The following EPSTI1 variants were observed in gnomAD, a reference collection of about 807,000 sequenced individuals.
The protein encoded by EPSTI1 is epithelial stromal interaction 1, also known as epithelial-stromal interaction protein 1.
Under a neutral mutation model 49.9 loss-of-function variants are expected in EPSTI1, and 66 were observed. The ratio of observed to expected loss-of-function variants is 1.32; its 90% CI spans 1.08 to 1.62. The LOEUF is 1.62. Ranked by LOEUF, EPSTI1 falls within the 40% of genes most tolerant of loss-of-function variation. The pLI is 0.00. For synonymous variants in EPSTI1, 137 were observed against 130.7 expected (o/e 1.05, Z -0.33); for missense variants, 394 against 365.5 (o/e 1.08, Z -0.64).
intron 9 of EPSTI1, among the ~76,000 whole-genome samples, chr13:42,896,686 T>C (rs1039708773): frequency 2.0e-5 from 3 of 152,234 alleles, no homozygotes; most frequent in Admixed American, 2.0e-4. Flanking sequence ...TTCCTTTTGC[T>C]TAAAATTCTC....
chr13:42,906,375 C>T (rs2037499130), intron 8 of EPSTI1, among the ~76,000 whole-genome samples: 1 of 152,184 alleles, frequency 6.6e-6, no homozygotes, highest in African/African-American at 2.4e-5. Flanking sequence ...TGAAGATGAA[C>T]ATGGGGTCAT....
intron 4 of EPSTI1, 37 bp from the exon 5 acceptor site, chr13:42,963,375 T>A: frequency 6.5e-7 from 1 of 1,538,404 alleles, no homozygotes; most frequent in Non-Finnish European, 8.9e-7. Context: ...CAAAAACAGT[T>A]ACCATTTTTC....
intron 1 of EPSTI1, among the ~76,000 whole-genome samples, chr13:42,988,222 T>C (rs2040119474): frequency 6.6e-6 from 1 of 152,178 alleles, no homozygotes. Flanking sequence ...CTAGAGGTGA[T>C]ATAAATAATG....
rs374375908 is a variant in EPSTI1, at chr13:42,948,913, G to C, written c.563+5035C>G. Among the ~76,000 whole-genome samples, 31 of 152,262 alleles carry C rather than the reference G, an allele frequency of 2.0e-4. No homozygotes were observed. The South Asian group carries it at 6.4e-3, about 32-fold the overall frequency. On this transcript the variant is annotated intron_variant, in intron 6 of 10. Coordinates refer to ENST00000313624, the MANE Select transcript of EPSTI1 (RefSeq NM_033255.5). ...CCCAAGCCCCCCAACAGACTTAATGGATTCCCTTGTAGCCAAGTGGATTCC... is the reference window on the plus strand; with the variant it reads ...CCCAAGCCCCCCAACAGACTTAATGCATTCCCTTGTAGCCAAGTGGATTCC...
intron 5 of EPSTI1, 84 bp downstream of exon 5, chr13:42,963,171 T>A: frequency 8.9e-7 from 1 of 1,121,584 alleles, no homozygotes. Context: ...TGGATAAATT[T>A]TTAAAGTTAC....
At chr13:42,975,785 A>AAC (rs1005540520) in intron 1 of EPSTI1, among the ~76,000 whole-genome samples, 6 of 151,206 alleles carry the variant, frequency 4.0e-5, no homozygotes, top group South Asian at 4.2e-4. Flanking sequence ...TCTTCACTTA[A>AAC]ACACACACAC....
At chr13:42,917,732 C>T in intron 7 of EPSTI1, 108 bp from the exon 8 acceptor site, 1 of 760,738 alleles carries the variant, frequency 1.3e-6, no homozygotes, top group Non-Finnish European at 2.1e-6. Flanking sequence ...ATAACTCAAC[C>T]TCCGTACTGA....
At chr13:42,989,521 G>C (rs961149526) in intron 1 of EPSTI1, among the ~76,000 whole-genome samples, 2 of 143,886 alleles carry the variant, frequency 1.4e-5, no homozygotes, top group Non-Finnish European at 3.0e-5. Context: ...CACATTATGA[G>C]TGGACAAATG....
At chr13:42,938,688 C>T (rs1223256326) in intron 6 of EPSTI1, among the ~76,000 whole-genome samples, 1 of 151,732 alleles carries the variant, frequency 6.6e-6, no homozygotes, top group East Asian at 1.9e-4. Context: ...CTGAGGTGGG[C>T]GGATCACCTG....
intron 8 of EPSTI1, among the ~76,000 whole-genome samples, chr13:42,915,591 G>C (rs1337262594): frequency 6.6e-6 from 1 of 152,162 alleles, no homozygotes; most frequent in Non-Finnish European, 1.5e-5. Context: ...GGCAAAAAAA[G>C]AGAGAAGCAA....
chr13:42,926,178 T>C (rs916030184), intron 7 of EPSTI1, among the ~76,000 whole-genome samples, 158 bp downstream of exon 7: 1 of 152,246 alleles, frequency 6.6e-6, no homozygotes, highest in African/African-American at 2.4e-5. Flanking sequence ...CATTATTTTA[T>C]AGCTCAGGCA....
intron 1 of EPSTI1, among the ~76,000 whole-genome samples, chr13:42,986,739 C>A (rs2040086886): frequency 1.3e-5 from 1 of 76,222 alleles, no homozygotes; most frequent in Admixed American, 1.7e-4. Context: ...AGCAAGATTC[C>A]ATCTCAAAAA....
At chr13:42,905,119 T>C (rs1457480864) in intron 8 of EPSTI1, among the ~76,000 whole-genome samples, 1 of 151,992 alleles carries the variant, frequency 6.6e-6, no homozygotes, top group African/African-American at 2.4e-5. Flanking sequence ...CACAGAGAGA[T>C]ATAAAAGAGC....
chr13:42,894,982 T>C (rs1458503178), intron 10 of EPSTI1, 27 bp downstream of exon 10: 1 of 1,545,576 alleles, frequency 6.5e-7, no homozygotes, highest in East Asian at 2.3e-5. Context: ...CATTGAAAGA[T>C]GATTTAAGAG....
At chr13:42,962,738 C>T (rs1376045329) in intron 5 of EPSTI1, among the ~76,000 whole-genome samples, 4 of 151,920 alleles carry the variant, frequency 2.6e-5, no homozygotes, top group African/African-American at 9.7e-5. Context: ...TGTGATCACA[C>T]CACTGCACTC....
intron 8 of EPSTI1, among the ~76,000 whole-genome samples, chr13:42,916,272 T>A (rs1461482228): frequency 4.1e-5 from 6 of 146,276 alleles, no homozygotes; most frequent in African/African-American, 1.5e-4. Flanking sequence ...GATATTTATT[T>A]AAAAAAAAAA....
intron 8 of EPSTI1, among the ~76,000 whole-genome samples, chr13:42,906,407 C>T (rs1321382854): frequency 1.3e-5 from 2 of 152,154 alleles, no homozygotes; most frequent in South Asian, 2.1e-4. Context: ...GTCTGAATCC[C>T]AACAGAGCAT....
In EPSTI1 at chr13:42,897,470, A is replaced by G. The variant is rs76462342; in HGVS notation, c.816-2362T>C. 1.9e-3 allele frequency among the ~76,000 whole-genome samples: 291 copies of G among 152,320 alleles called. 1 individual carries two copies. Among genetic ancestry groups the G allele is most frequent in the African/African-American group, 6.5e-3 (271 of 41,560 alleles). On this transcript the variant is annotated intron_variant, in intron 9 of 10. Coordinates refer to ENST00000313624, the MANE Select transcript of EPSTI1 (RefSeq NM_033255.5). ...TTGCCCTATTCCCGGAGCCTAGGAC[A>G]CAGCCTTTATGGAGTGTAGCCTGAT...
At position 42,953,251 on chromosome 13, in the gene EPSTI1, G is replaced by GAAAAAA. The variant is rs11355319; in HGVS notation, c.563+691_563+696dup. 1.0e-4 allele frequency among the ~76,000 whole-genome samples: 15 copies of GAAAAAA among 143,538 alleles called. No individual in the cohort carries two copies. In the South Asian group the frequency reaches 3.1e-3, roughly 30 times the overall value. The allele number at this position is 143,538 out of a possible 152,430, so 94.2% of individuals were successfully genotyped here. On this transcript the variant is annotated intron_variant, in intron 6 of 10. Coordinates refer to ENST00000313624, the MANE Select transcript of EPSTI1 (RefSeq NM_033255.5). The stretch of plus-strand genomic sequence containing the variant: ...TAAGATAGATATTATCTGTATTTAA[G>GAAAAAA]AAAAAAAAAAAAAAAACACTGACAT...
Sources: allele counts gnomAD v4.1 joint callset (sites outside exome capture counted in the v4.1 genomes callset), GRCh38; gene constraint gnomAD v4.1.1; transcripts MANE v1.5; gene names NCBI Gene and HGNC (gene_info 2026-07-23, HGNC 2026-07-21).